Variants in STX8 observed in about 807,000 individuals in gnomAD.
STX8 encodes syntaxin 8.
A neutral mutation model predicts 37.5 loss-of-function variants in STX8; 23 were observed. The ratio of observed to expected loss-of-function variants is 0.61; its 90% confidence interval spans 0.44 to 0.87. The LOEUF (loss-of-function observed/expected upper bound fraction) is 0.87, where lower values mean the gene tolerates loss of function less well. STX8 is among the 40% of genes least tolerant of loss of function. STX8 has a pLI of 0.00. For synonymous variants in STX8, 115 were observed against 99.1 expected (o/e 1.16, Z -0.95); for missense variants, 313 against 284.7 (o/e 1.10, Z -0.71).
chr17:9,546,601 T>TTTG (rs1555536197), intron 3 of STX8, among the ~76,000 whole-genome samples: 21 of 128,266 alleles, frequency 1.6e-4, no homozygotes, highest in Non-Finnish European at 3.4e-4. Context: ...GTTTTTTTTT[T>TTTG]TTTTTTTTTT....
At chr17:9,332,536 T>C (rs1399791377) in intron 7 of STX8, among the ~76,000 whole-genome samples, 1 of 152,244 alleles carries the variant, frequency 6.6e-6, no homozygotes, top group Non-Finnish European at 1.5e-5. Flanking sequence ...CTGGAGACTA[T>C]TTTATAATTC....
At chr17:9,425,831 G>T (rs1242381396) in intron 6 of STX8, among the ~76,000 whole-genome samples, 2 of 152,100 alleles carry the variant, frequency 1.3e-5, no homozygotes, top group Non-Finnish European at 2.9e-5. Flanking sequence ...TGGAGTTAGG[G>T]ACTTCAGCCC....
At chr17:9,530,849 T>C (rs960923777) in intron 4 of STX8, among the ~76,000 whole-genome samples, 1 of 152,252 alleles carries the variant, frequency 6.6e-6, no homozygotes, top group Admixed American at 6.5e-5. Flanking sequence ...GTTTCCTTTA[T>C]GGTTAGTATG....
Position 9,542,679 on chromosome 17 carries a change from AAAATAAATAAAT to A in STX8, c.323+2481_323+2492del, listed in dbSNP as rs375475612. 6.3e-3 allele frequency among the ~76,000 whole-genome samples: 954 copies of A among 151,168 alleles called. 7 individuals are homozygous for A. The highest frequency in any genetic ancestry group is 0.021 in the African/African-American group (866 of 40,892). On this transcript the variant is annotated intron_variant, in intron 4 of 7. Transcript: ENST00000306357. Reference sequence around the variant, plus strand: ...GCGACAGAGCAAGACTCCATCTCAAAAAATAAATAAATAAATAAATAAATAAATAAATAAGGA... The same window carrying A: ...GCGACAGAGCAAGACTCCATCTCAAAAAATAAATAAATAAATAAATAAGGA...
At chr17:9,359,585 G>A (rs558425604) in intron 7 of STX8, among the ~76,000 whole-genome samples, 1 of 143,246 alleles carries the variant, frequency 7.0e-6, no homozygotes, top group South Asian at 2.2e-4. Flanking sequence ...TCGGCTCACT[G>A]CAAGCTCCGC....
chr17:9,397,403 TAAC>T (rs776251491), intron 6 of STX8, among the ~76,000 whole-genome samples: 7 of 151,536 alleles, frequency 4.6e-5, no homozygotes, highest in South Asian at 2.1e-4. Flanking sequence ...TGTTGAAAAA[TAAC>T]AACAACAACA....
intron 7 of STX8, among the ~76,000 whole-genome samples, chr17:9,313,733 C>T (rs1275268300): frequency 2.6e-5 from 4 of 152,184 alleles, no homozygotes; most frequent in Non-Finnish European, 4.4e-5. Context: ...TGGGTTCAAG[C>T]GATTCTTATG....
At chr17:9,264,645 G>A (rs1469999059) in intron 7 of STX8, among the ~76,000 whole-genome samples, 2 of 152,104 alleles carry the variant, frequency 1.3e-5, no homozygotes, top group Non-Finnish European at 2.9e-5. Flanking sequence ...GAATGGGTAG[G>A]TTCTGCCAAA....
chr17:9,252,288 C>T (rs1378486512), intron 7 of STX8, among the ~76,000 whole-genome samples: 1 of 152,108 alleles, frequency 6.6e-6, no homozygotes, highest in East Asian at 1.9e-4. Context: ...ACTAAAAGTA[C>T]AAAAAATTAG....
chr17:9,364,397 G>A (rs1221838140), intron 7 of STX8, among the ~76,000 whole-genome samples: 1 of 152,088 alleles, frequency 6.6e-6, no homozygotes, highest in African/African-American at 2.4e-5. Context: ...TGTCTGGGGA[G>A]GGGAACAGTT....
chr17:9,288,923 CA>C (rs1284050410), intron 7 of STX8, among the ~76,000 whole-genome samples: 1 of 152,088 alleles, frequency 6.6e-6, no homozygotes, highest in Non-Finnish European at 1.5e-5. Context: ...CATGAATTTT[CA>C]AACTGAAGCG....
intron 6 of STX8, among the ~76,000 whole-genome samples, chr17:9,448,681 T>A (rs1458509135): frequency 3.9e-5 from 6 of 152,220 alleles, no homozygotes; most frequent in Non-Finnish European, 8.8e-5. Context: ...GAAGCAGGGT[T>A]TCATTAATTG....
intron 4 of STX8, among the ~76,000 whole-genome samples, chr17:9,505,989 C>T (rs868808385): frequency 1.3e-5 from 2 of 148,508 alleles, no homozygotes; most frequent in Non-Finnish European, 3.0e-5. Flanking sequence ...GAGACAGAAA[C>T]ACATGCAGGG....
chr17:9,259,762 CAGG>C (rs1025868317), intron 7 of STX8, among the ~76,000 whole-genome samples: 40 of 152,186 alleles, frequency 2.6e-4, no homozygotes, highest in African/African-American at 8.4e-4. Context: ...GGGTCACAGG[CAGG>C]AGGAGGAGAA....
chr17:9,388,664 G>T (rs1026751211), intron 6 of STX8, among the ~76,000 whole-genome samples: 1 of 151,846 alleles, frequency 6.6e-6, no homozygotes, highest in Non-Finnish European at 1.5e-5. Context: ...TCAGCCGGGT[G>T]TGGTGGTGCA....
rs569960996 is a variant in STX8, at chr17:9,288,388, G to T, written c.644-37743C>A. On this transcript the variant is annotated intron_variant, in intron 7 of 7. Coordinates refer to ENST00000306357, the MANE Select transcript of STX8 (RefSeq NM_004853.3). ...TATAAAGAATTTCAATGGGCCGGGC[G>T]CGGTGGCTCACGCCTGTAATCCCAG... Among the ~76,000 whole-genome samples the T allele has an allele frequency of 3.3e-5, 5 of 151,992 alleles. No homozygotes were observed. In the East Asian group the frequency reaches 9.6e-4, roughly 29 times the overall value.
intron 7 of STX8, among the ~76,000 whole-genome samples, chr17:9,288,926 A>G (rs1908203256): frequency 6.6e-6 from 1 of 152,202 alleles, no homozygotes; most frequent in Non-Finnish European, 1.5e-5. Flanking sequence ...GAATTTTCAA[A>G]CTGAAGCGTT....
chr17:9,380,661 TATA>T (rs1245297220), intron 6 of STX8, among the ~76,000 whole-genome samples: 2 of 151,492 alleles, frequency 1.3e-5, no homozygotes, highest in African/African-American at 4.8e-5. Context: ...ATTATAATGT[TATA>T]ATACCATATT....
intron 6 of STX8, among the ~76,000 whole-genome samples, chr17:9,488,880 G>T (rs1906728846): frequency 6.6e-6 from 1 of 151,988 alleles, no homozygotes; most frequent in Admixed American, 6.6e-5. Context: ...ACGTGTGTGT[G>T]TGTGTGTGTG....
Sources: gnomAD v4.1 joint callset for allele counts (sites outside exome capture counted in the v4.1 genomes callset) on GRCh38, gnomAD v4.1.1 for gene constraint, MANE v1.5 for transcripts, NCBI Gene and HGNC (gene_info 2026-07-23, HGNC 2026-07-21) for gene names.